Variants in PKHD1 observed in about 807,000 individuals in gnomAD.
PKHD1 encodes the protein fibrocystin.
PKHD1 carries 291 observed loss-of-function variants against 412.0 expected under a neutral mutation model. The ratio of observed to expected loss-of-function variants is 0.71; its 90% CI spans 0.64 to 0.78. The LOEUF (loss-of-function observed/expected upper bound fraction) is 0.78. Ranked by LOEUF, PKHD1 falls within the 30% of genes least tolerant of loss-of-function variation. The pLI, the probability that PKHD1 is intolerant of heterozygous loss-of-function variation, is 0.00. For synonymous variants in PKHD1, 1,777 were observed against 1,821.5 expected (o/e 0.98, Z 0.62); for missense variants, 4,825 against 4,950.7 (o/e 0.97, Z 0.76).
At chr6:51,846,853 A>C (rs953026617) in intron 50 of PKHD1, among the ~76,000 whole-genome samples, 2 of 152,164 alleles carry the variant, frequency 1.3e-5, no homozygotes, top group Non-Finnish European at 2.9e-5. Context: ...CACCTTCTAC[A>C]TAAACTTCCG....
At chr6:51,981,508 G>T (rs574204044) in intron 35 of PKHD1, among the ~76,000 whole-genome samples, 1 of 151,730 alleles carries the variant, frequency 6.6e-6, no homozygotes, top group African/African-American at 2.4e-5. Context: ...TGGTGGAGAC[G>T]GGGTTTTGCT....
At chr6:51,724,796 C>T (rs1418834472) in intron 60 of PKHD1, among the ~76,000 whole-genome samples, 1 of 151,942 alleles carries the variant, frequency 6.6e-6, no homozygotes, top group East Asian at 1.9e-4. Flanking sequence ...CACAAGTGTC[C>T]TTATAAGAAG....
chr6:51,849,464 T>G (rs1771795385), intron 49 of PKHD1, among the ~76,000 whole-genome samples: 1 of 152,182 alleles, frequency 6.6e-6, no homozygotes, highest in South Asian at 2.1e-4. Context: ...CTTGAGGAAT[T>G]GCCATACTGT....
At chr6:51,909,844 A>G (rs767731200) in intron 39 of PKHD1, among the ~76,000 whole-genome samples, 1 of 152,146 alleles carries the variant, frequency 6.6e-6, no homozygotes, top group Non-Finnish European at 1.5e-5. Flanking sequence ...TAATTGTAGG[A>G]AAGACATGTT....
chr6:51,872,899 T>C lies in PKHD1; in HGVS notation c.7351-2260A>G, dbSNP rs67605149. ...CCTTTTTTTTTTTTTTTTTTTTTTT[T>C]CAGAAAGTTACCTTAGGGTATGTTC... On this transcript the variant is annotated intron_variant, in intron 46 of 66. Coordinates refer to ENST00000371117, the MANE Select transcript of PKHD1 (RefSeq NM_138694.4). Among the ~76,000 whole-genome samples, 359 of 91,312 alleles carry C rather than the reference T, an allele frequency of 3.9e-3. 2 individuals are homozygous for C. Among genetic ancestry groups the C allele is most frequent in the African/African-American group, 5.2e-3 (119 of 23,096 alleles). 59.9% of individuals were successfully genotyped at this position (91,312 alleles called of 152,430 possible).
chr6:51,779,209 C>T (rs2151181517), intron 53 of PKHD1, among the ~76,000 whole-genome samples: 1 of 152,258 alleles, frequency 6.6e-6, no homozygotes, highest in African/African-American at 2.4e-5. Flanking sequence ...ATTTTAAACT[C>T]CTTCCTTTCT....
At chr6:51,636,714 C>A (rs2784220) in intron 64 of PKHD1, among the ~76,000 whole-genome samples, 6,501 of 152,182 alleles carry the variant, frequency 0.043, 228 homozygotes, top group African/African-American at 0.093. Context: ...CTGCTTTCCC[C>A]AACATTCTAG....
chr6:52,018,555 G>A (rs1333311453), intron 33 of PKHD1, among the ~76,000 whole-genome samples: 1 of 152,114 alleles, frequency 6.6e-6, no homozygotes, highest in African/African-American at 2.4e-5. Context: ...GAGTTTCGCT[G>A]TGTTGCCCAG....
At chr6:51,886,949 G>T (rs1235946473) in intron 44 of PKHD1, among the ~76,000 whole-genome samples, 184 bp downstream of exon 44, 1 of 152,152 alleles carries the variant, frequency 6.6e-6, no homozygotes, top group East Asian at 1.9e-4. Flanking sequence ...TCATCAAGTT[G>T]CATACATTAA....
intron 43 of PKHD1, among the ~76,000 whole-genome samples, chr6:51,895,983 A>G (rs1779879147): frequency 1.3e-5 from 2 of 152,100 alleles, no homozygotes; most frequent in Non-Finnish European, 2.9e-5. Flanking sequence ...GGCACACCAC[A>G]AGATTATATC....
At chr6:52,050,117 T>C in intron 22 of PKHD1, 40 bp downstream of exon 22, 2 of 1,607,736 alleles carry the variant, frequency 1.2e-6, no homozygotes, top group Non-Finnish European at 8.5e-7. Flanking sequence ...CAACAAGCAT[T>C]CTTAGGAGAA....
At position 51,615,366 on chromosome 6, in the gene PKHD1, A is replaced by AT. The variant is rs1765980780; in HGVS notation, c.*3714dup. Reference sequence around the variant, plus strand: ...ACATTTAAGTTTACAGAAATGTTTTATTTCTTTTTGAAAATTACCTTGTAG... The same window carrying AT: ...ACATTTAAGTTTACAGAAATGTTTTATTTTCTTTTTGAAAATTACCTTGTAG... On this transcript the variant is annotated 3_prime_UTR_variant, in exon 67 of 67. Transcript: ENST00000371117. 6.6e-6 allele frequency: 1 copy of AT among 152,158 alleles called. No individual in the cohort carries two copies. The highest frequency in any genetic ancestry group is 1.5e-5 in the Non-Finnish European group (1 of 67,986). 9.4% of individuals were successfully genotyped at this position (152,158 alleles called of 1,614,324 possible).
intron 60 of PKHD1, among the ~76,000 whole-genome samples, chr6:51,736,465 G>A (rs994670681): frequency 2.6e-5 from 4 of 152,066 alleles, no homozygotes; most frequent in Non-Finnish European, 5.9e-5. Context: ...CCCCCTGCTT[G>A]GGATTAAAAT....
In PKHD1 at chr6:51,625,849, G is replaced by C. The variant is rs1167996904; in HGVS notation, c.11785+1148C>G. ...TTACATGCAATAATATGGTCAAGAGGCTTCTAAAAACCAAAATTAGAATAA... is the reference window on the plus strand; with the variant it reads ...TTACATGCAATAATATGGTCAAGAGCCTTCTAAAAACCAAAATTAGAATAA... On this transcript the variant is annotated intron_variant, in intron 66 of 66. Transcript: ENST00000371117. Among the ~76,000 whole-genome samples, 5 of 152,026 alleles carry C rather than the reference G, an allele frequency of 3.3e-5. No homozygotes were observed. The East Asian group carries it at 9.7e-4, about 29-fold the overall frequency.
At chr6:51,894,772 T>C (rs1779631527) in intron 43 of PKHD1, among the ~76,000 whole-genome samples, 1 of 152,214 alleles carries the variant, frequency 6.6e-6, no homozygotes, top group Admixed American at 6.5e-5. Flanking sequence ...TCTAAATAAA[T>C]ACATTTGTTT....
intron 66 of PKHD1, among the ~76,000 whole-genome samples, chr6:51,623,677 G>T (rs1157673648): frequency 6.6e-6 from 1 of 152,020 alleles, no homozygotes; most frequent in Non-Finnish European, 1.5e-5. Context: ...TCCACCTCCT[G>T]GTTTCAAGCA....
Position 51,847,953 on chromosome 6 carries a change from G to A in PKHD1, c.7929C>T (p.Asp2643=). 1.9e-6 allele frequency: 3 copies of A among 1,613,356 alleles called. No individual in the cohort carries two copies. Among genetic ancestry groups the A allele is most frequent in the Non-Finnish European group, 2.5e-6 (3 of 1,179,320 alleles). ...GTAGGTAATTACCAGGAGCAAAGTT[G>A]TCAAAGGTTGCTGAGTACTTGAAGT... ...NRSLQYSATF[D]NFAPGNYLLL... Residue 2643 remains aspartate, a synonymous_variant, in exon 50 of 67, where the codon GAC becomes GAT. Transcript: ENST00000371117.
At chr6:51,634,934 G>A (rs1768341369) in intron 64 of PKHD1, among the ~76,000 whole-genome samples, 1 of 152,016 alleles carries the variant, frequency 6.6e-6, no homozygotes, top group African/African-American at 2.4e-5. Flanking sequence ...TTTTTATTTT[G>A]TTAATAGAGA....
intron 37 of PKHD1, among the ~76,000 whole-genome samples, chr6:51,930,289 A>G (rs938516831): frequency 6.6e-6 from 1 of 152,182 alleles, no homozygotes; most frequent in African/African-American, 2.4e-5. Context: ...AGCAGCTGAC[A>G]GAAGTTACTA....
Sources: gnomAD v4.1 joint callset for allele counts (sites outside exome capture counted in the v4.1 genomes callset) on GRCh38, gnomAD v4.1.1 for gene constraint, MANE v1.5 for transcripts, NCBI Gene and HGNC (gene_info 2026-07-23, HGNC 2026-07-21) for gene names.